Variants in BLTP1 observed in about 807,000 individuals in gnomAD.
BLTP1 encodes the protein bridge-like lipid transfer protein family member 1, also known as fragile site-associated protein.
the BLTP1 span, chr4:122,298,755 A>G: frequency 2.5e-5 from 14 of 566,660 alleles, no homozygotes; most frequent in Non-Finnish European, 2.9e-5. Context: ...AGGCATAGGA[A>G]TGATTCGAAC....
At chr4:122,324,292 ACT>A in the BLTP1 span, 2 of 834,888 alleles carry the variant, frequency 2.4e-6, no homozygotes, top group Non-Finnish European at 3.4e-6. Context: ...CTCTATTTTG[ACT>A]CATATTGTTA....
At chr4:122,198,542 G>A in the BLTP1 span, 6 of 685,144 alleles carry the variant, frequency 8.8e-6, no homozygotes, top group Non-Finnish European at 1.1e-5. Flanking sequence ...TACAAATACT[G>A]GTACACTGGA....
At chr4:122,352,667 TA>T in the BLTP1 span, among the ~76,000 whole-genome samples, 1 of 152,266 alleles carries the variant, frequency 6.6e-6, no homozygotes, top group East Asian at 1.9e-4. Context: ...GCCTCAGACA[TA>T]TTAGTTTTAA....
chr4:122,184,685 A>G, the BLTP1 span: 1 of 985,342 alleles, frequency 1.0e-6, no homozygotes, highest in Non-Finnish European at 1.2e-6. Flanking sequence ...GTTGCTAAGA[A>G]AAAAAGGTAA....
chr4:122,240,652 G>A, the BLTP1 span, among the ~76,000 whole-genome samples: 3 of 152,050 alleles, frequency 2.0e-5, no homozygotes, highest in African/African-American at 7.2e-5. Flanking sequence ...TATCTTCCGT[G>A]TCTTAAAAAT....
At chr4:122,255,356 G>A in the BLTP1 span, 5 of 1,040,946 alleles carry the variant, frequency 4.8e-6, no homozygotes, top group East Asian at 1.2e-4. Flanking sequence ...CACAGGGTTT[G>A]AGATGCATGT....
At chr4:122,231,778 T>C in the BLTP1 span, 1 of 972,552 alleles carries the variant, frequency 1.0e-6, no homozygotes, top group Non-Finnish European at 1.2e-6. Flanking sequence ...TATTCATTTC[T>C]CTGTTTAACA....
the BLTP1 span, chr4:122,305,848 A>G: frequency 6.5e-7 from 1 of 1,526,976 alleles, no homozygotes; most frequent in South Asian, 1.2e-5. Flanking sequence ...CCATTATTTT[A>G]TTTTATTGAG....
the BLTP1 span, chr4:122,348,789 T>C: frequency 2.0e-6 from 2 of 991,030 alleles, no homozygotes; most frequent in Non-Finnish European, 1.5e-6. Flanking sequence ...AGTAAAGATA[T>C]TCAGAACCTT....
the BLTP1 span, chr4:122,351,317 C>T: frequency 3.1e-6 from 2 of 648,500 alleles, no homozygotes; most frequent in Non-Finnish European, 3.8e-6. Flanking sequence ...ACTGTGAACA[C>T]CTTAGAGCAT....
At chr4:122,244,951 A>G in the BLTP1 span, 29 of 1,546,776 alleles carry the variant, frequency 1.9e-5, 1 homozygote, top group Middle Eastern at 1.2e-3. Context: ...GTTTCATGAT[A>G]TGTTTACATA....
At chr4:122,220,408 A>T in the BLTP1 span, 1 of 1,612,930 alleles carries the variant, frequency 6.2e-7, no homozygotes, top group Non-Finnish European at 8.5e-7. Flanking sequence ...AAAAGGATTT[A>T]GGGAGACCAT....
chr4:122,275,953 C>T, the BLTP1 span: 1 of 1,526,680 alleles, frequency 6.6e-7, no homozygotes, highest in Non-Finnish European at 8.7e-7. Context: ...CCCACTTTCT[C>T]TTGACTCTTC....
the BLTP1 span, among the ~76,000 whole-genome samples, chr4:122,171,559 T>C: frequency 6.6e-6 from 1 of 152,000 alleles, no homozygotes; most frequent in African/African-American, 2.4e-5. Context: ...TTTATGAAGG[T>C]AGGTTTTTAT....
chr4:122,272,471 A>T, the BLTP1 span: 1 of 1,317,614 alleles, frequency 7.6e-7, no homozygotes, highest in Non-Finnish European at 1.0e-6. Flanking sequence ...CTCTGAAGAA[A>T]ACCACTGCCA....
chr4:122,223,884 G>A, the BLTP1 span: 1 of 438,534 alleles, frequency 2.3e-6, no homozygotes, highest in Non-Finnish European at 3.0e-6. Flanking sequence ...TCTTAATAAT[G>A]TGTGGAACTA....
chr4:122,244,978 C>T, the BLTP1 span: 2 of 1,594,600 alleles, frequency 1.3e-6, no homozygotes. Flanking sequence ...GTTGTAGAAT[C>T]AACGACATTT....
the BLTP1 span, among the ~76,000 whole-genome samples, chr4:122,259,208 A>AT: frequency 2.6e-5 from 4 of 152,028 alleles, no homozygotes; most frequent in African/African-American, 4.8e-5. Context: ...TATGATTTTA[A>AT]TTTTTTTGGT....
At chr4:122,323,483 C>T in the BLTP1 span, among the ~76,000 whole-genome samples, 1 of 150,428 alleles carries the variant, frequency 6.6e-6, no homozygotes, top group African/African-American at 2.4e-5. Flanking sequence ...TAGGTGGTAC[C>T]CCAACACATG....
Sources: allele counts gnomAD v4.1 joint callset (sites outside exome capture counted in the v4.1 genomes callset), GRCh38; gene constraint gnomAD v4.1.1; transcripts MANE v1.5; gene names NCBI Gene and HGNC (gene_info 2026-07-23, HGNC 2026-07-21).